TSPAN14: variants seen among roughly 807,000 people sequenced by gnomAD.
TSPAN14 encodes tetraspanin 14, also known as tetraspanin-14.
A neutral mutation model predicts 36.6 loss-of-function variants in TSPAN14; 16 were observed. The ratio of observed to expected loss-of-function variants is 0.44; its 90% CI spans 0.30 to 0.66. The LOEUF (loss-of-function observed/expected upper bound fraction) is 0.66, where lower values mean the gene tolerates loss of function less well. Ranked by LOEUF, TSPAN14 falls within the 30% of genes least tolerant of loss-of-function variation. TSPAN14 has a pLI of 0.12. For synonymous variants in TSPAN14, 139 were observed against 143.8 expected (o/e 0.97, Z 0.24); for missense variants, 231 against 355.1 (o/e 0.65, Z 2.81).
chr10:80,456,024 C>T (rs1383163996), intron 1 of TSPAN14, among the ~76,000 whole-genome samples: 1 of 152,096 alleles, frequency 6.6e-6, no homozygotes, highest in Non-Finnish European at 1.5e-5. Flanking sequence ...CTCTGAACTC[C>T]ACTGCTTGGG....
At chr10:80,512,094 C>T (rs1286406026) in intron 5 of TSPAN14, 50 bp from the exon 6 acceptor site, 2 of 1,612,468 alleles carry the variant, frequency 1.2e-6, no homozygotes, top group Non-Finnish European at 1.7e-6. Context: ...TGCTGGGCAG[C>T]CATGGCCCTG....
At chr10:80,476,747 T>A (rs538203167) in intron 1 of TSPAN14, among the ~76,000 whole-genome samples, 2 of 152,154 alleles carry the variant, frequency 1.3e-5, no homozygotes, top group Non-Finnish European at 2.9e-5. Flanking sequence ...TGTTTTTTTT[T>A]ATATTTTTCA....
At chr10:80,464,214 C>T (rs764361871) in intron 1 of TSPAN14, among the ~76,000 whole-genome samples, 3 of 152,210 alleles carry the variant, frequency 2.0e-5, no homozygotes, top group Non-Finnish European at 2.9e-5. Flanking sequence ...TGAGGATCGG[C>T]CTCCTTCTCT....
At chr10:80,500,484 C>G (rs1461368423) in intron 2 of TSPAN14, among the ~76,000 whole-genome samples, 1 of 151,964 alleles carries the variant, frequency 6.6e-6, no homozygotes, top group Non-Finnish European at 1.5e-5. Flanking sequence ...CATGTGCCAC[C>G]ACGCTCGGCT....
chr10:80,487,293 G>T (rs1370114000), intron 1 of TSPAN14, among the ~76,000 whole-genome samples: 3 of 151,172 alleles, frequency 2.0e-5, no homozygotes, highest in African/African-American at 7.3e-5. Context: ...CTGGGCATGG[G>T]TCTGCTGGCA....
At chr10:80,476,706 T>G (rs1175295958) in intron 1 of TSPAN14, among the ~76,000 whole-genome samples, 1 of 152,134 alleles carries the variant, frequency 6.6e-6, no homozygotes, top group Non-Finnish European at 1.5e-5. Flanking sequence ...TTTTACTGTA[T>G]TTTTTACTTG....
intron 1 of TSPAN14, among the ~76,000 whole-genome samples, chr10:80,476,516 C>T (rs370934087): frequency 2.7e-5 from 4 of 148,918 alleles, no homozygotes; most frequent in Admixed American, 6.7e-5. Context: ...CCCGGGTTCA[C>T]GCCATTCTCC....
chr10:80,471,104 C>G (rs1433962130), intron 1 of TSPAN14, among the ~76,000 whole-genome samples: 3 of 152,126 alleles, frequency 2.0e-5, no homozygotes, highest in Non-Finnish European at 1.5e-5. Context: ...CCAGCACCTA[C>G]TTGACTGCAC....
intron 1 of TSPAN14, among the ~76,000 whole-genome samples, chr10:80,479,940 C>G (rs2131991256): frequency 6.9e-6 from 1 of 145,500 alleles, no homozygotes; most frequent in South Asian, 2.3e-4. Flanking sequence ...GAATGTTCTT[C>G]CATTTGTTTG....
At chr10:80,474,495 G>A (rs577581409) in intron 1 of TSPAN14, among the ~76,000 whole-genome samples, 5 of 152,054 alleles carry the variant, frequency 3.3e-5, no homozygotes, top group South Asian at 4.2e-4. Flanking sequence ...GTATTGGAGC[G>A]TGAGGAGTTT....
chr10:80,471,831 C>T (rs569231870), intron 1 of TSPAN14, among the ~76,000 whole-genome samples: 93 of 152,246 alleles, frequency 6.1e-4, no homozygotes, highest in African/African-American at 2.1e-3. Flanking sequence ...GCAGGTGTTG[C>T]CCTGAGGCTG....
At chr10:80,473,659 G>C (rs114939926) in intron 1 of TSPAN14, among the ~76,000 whole-genome samples, 130 of 150,746 alleles carry the variant, frequency 8.6e-4, no homozygotes, top group African/African-American at 3.1e-3. Context: ...CTTCACTCCA[G>C]TGAGCGGTTG....
chr10:80,494,562 C>G (rs898666852), intron 2 of TSPAN14, among the ~76,000 whole-genome samples: 6 of 152,196 alleles, frequency 3.9e-5, no homozygotes, highest in African/African-American at 1.4e-4. Flanking sequence ...CTTCCTCTGA[C>G]TTTTATTATG....
At chr10:80,507,254 G>A in exon 4 of TSPAN14, 5 of 1,614,210 alleles carry the variant, frequency 3.1e-6, no homozygotes, top group Non-Finnish European at 4.2e-6. Flanking sequence ...TCACCAAAGT[G>A]ACCCGGATGC....
chr10:80,499,063 G>T (rs1051087000), intron 2 of TSPAN14, among the ~76,000 whole-genome samples: 1 of 152,224 alleles, frequency 6.6e-6, no homozygotes, highest in Non-Finnish European at 1.5e-5. Context: ...TCTGGGGCCT[G>T]CAGGAGTTGC....
At chr10:80,518,300 C>A in exon 9 of TSPAN14, 1 of 403,576 alleles carries the variant, frequency 2.5e-6, no homozygotes, top group South Asian at 2.6e-5. Flanking sequence ...CCCCCTGCAG[C>A]TCAAGCATGT....
At chr10:80,475,535 G>A (rs1846817885) in intron 1 of TSPAN14, among the ~76,000 whole-genome samples, 1 of 152,156 alleles carries the variant, frequency 6.6e-6, no homozygotes, top group Non-Finnish European at 1.5e-5. Context: ...AAAGTTTTAA[G>A]TTAAAGGTCC....
chr10:80,504,972 TGG>T (rs2132042565), intron 3 of TSPAN14, among the ~76,000 whole-genome samples, 194 bp downstream of exon 3: 1 of 152,346 alleles, frequency 6.6e-6, no homozygotes, highest in African/African-American at 2.4e-5. Flanking sequence ...GCTGGAGGTA[TGG>T]GCTGGGCTGG....
rs370135672 is a variant in TSPAN14 at position 80,479,866 on chromosome 10, C to T, written c.-17-9351C>T. ...TAGCTTGATGGGGATGGCATTGAAT[C>T]TATAAATTACCTTGGGCAGTATGGC... On this transcript the variant is annotated intron_variant, in intron 1 of 8. Coordinates refer to ENST00000429989, the Ensembl canonical transcript of TSPAN14. Among the ~76,000 whole-genome samples the T allele has an allele frequency of 1.9e-4, 28 of 150,270 alleles. No individual in the cohort carries two copies. In the East Asian group the frequency reaches 4.8e-3, roughly 26 times the overall value.
Sources: gnomAD v4.1 joint callset for allele counts (sites outside exome capture counted in the v4.1 genomes callset) on GRCh38, gnomAD v4.1.1 for gene constraint, MANE v1.5 for transcripts, NCBI Gene and HGNC (gene_info 2026-07-23, HGNC 2026-07-21) for gene names.